Variants in DCC observed in about 807,000 individuals in gnomAD.
DCC encodes DCC netrin 1 receptor.
In DCC, 58 loss-of-function variants were observed where a neutral mutation model predicts 172.5. The ratio of observed to expected loss-of-function variants is 0.34; its 90% CI spans 0.27 to 0.42. The LOEUF (loss-of-function observed/expected upper bound fraction) is 0.42, where lower values mean the gene tolerates loss of function less well. Among genes scored for constraint, DCC ranks in the 10% least tolerant of loss-of-function variants. The pLI, the probability that DCC is intolerant of heterozygous loss-of-function variation, is 1.00. For missense variants in DCC, 1,740 were observed against 1,791.0 expected (o/e 0.97, Z 0.51); for synonymous variants, 709 against 644.5 (o/e 1.10, Z -1.52).
chr18:52,865,032 A>AT (rs1304471789), intron 2 of DCC, among the ~76,000 whole-genome samples: 3 of 151,678 alleles, frequency 2.0e-5, no homozygotes, highest in African/African-American at 7.3e-5. Context: ...CGCCTGGCTA[A>AT]TTTTTTGTAT....
rs116137718 is a variant in DCC, at chr18:52,998,869, T to A, written c.986-64436T>A. Among the ~76,000 whole-genome samples the A allele has an allele frequency of 1.0e-3, 156 of 152,138 alleles. 1 individual carries two copies. The highest frequency in any genetic ancestry group is 3.6e-3 in the African/African-American group (150 of 41,546). ...AGAAAACCTGTCTGGAGTACAAAACTGAATTAGCAATTAAATCGTTGTCAG... is the reference window on the plus strand; with the variant it reads ...AGAAAACCTGTCTGGAGTACAAAACAGAATTAGCAATTAAATCGTTGTCAG... On this transcript the variant is annotated intron_variant, in intron 5 of 28. Transcript: ENST00000442544.
At chr18:52,528,115 G>T (rs972226204) in intron 1 of DCC, among the ~76,000 whole-genome samples, 1 of 152,040 alleles carries the variant, frequency 6.6e-6, no homozygotes, top group South Asian at 2.1e-4. Flanking sequence ...AAAATTCTCA[G>T]GTATGAATAC....
At chr18:52,715,392 T>A (rs1252553959) in intron 1 of DCC, among the ~76,000 whole-genome samples, 1 of 151,714 alleles carries the variant, frequency 6.6e-6, no homozygotes, top group African/African-American at 2.4e-5. Context: ...CTCCACCTCC[T>A]GGGGTCAAGT....
chr18:53,429,048 A>T lies in DCC; in HGVS notation c.3164-6096A>T, dbSNP rs374459420. ...TTTATATAATATATATTTTATATAT[A>T]ATATATTATATATTTTATATATAAT... is the stretch of plus-strand genomic sequence containing the variant. On this transcript the variant is annotated intron_variant, in intron 21 of 28. Coordinates refer to ENST00000442544, the MANE Select transcript of DCC (RefSeq NM_005215.4). 2.4e-3 allele frequency among the ~76,000 whole-genome samples: 47 copies of T among 19,520 alleles called. 13 individuals carry two copies. Among genetic ancestry groups the T allele is most frequent in the Non-Finnish European group, 6.2e-3 (34 of 5,464 alleles). 12.8% of individuals were successfully genotyped at this position (19,520 alleles called of 152,430 possible).
chr18:53,309,922 GTATATA>G (rs5825006), intron 13 of DCC, among the ~76,000 whole-genome samples: 65 of 123,478 alleles, frequency 5.3e-4, no homozygotes, highest in African/African-American at 1.3e-3. Context: ...ATATGTGCGT[GTATATA>G]TATATATATA....
chr18:53,257,132 T>G (rs958895346), intron 12 of DCC, among the ~76,000 whole-genome samples: 2 of 152,328 alleles, frequency 1.3e-5, no homozygotes, highest in Middle Eastern at 3.4e-3. Context: ...TGGGGTTTTC[T>G]AGATGTACAA....
intron 1 of DCC, among the ~76,000 whole-genome samples, chr18:52,708,282 A>G (rs1411903261): frequency 6.6e-6 from 1 of 152,038 alleles, no homozygotes; most frequent in Non-Finnish European, 1.5e-5. Context: ...TCTACTAACA[A>G]TACAAAAAAG....
chr18:53,078,450 C>A (rs1037895393), intron 7 of DCC, among the ~76,000 whole-genome samples: 1 of 152,120 alleles, frequency 6.6e-6, no homozygotes, highest in African/African-American at 2.4e-5. Context: ...GCCTGACATA[C>A]TATTTTTTGG....
chr18:52,680,066 C>T (rs966272251), intron 1 of DCC, among the ~76,000 whole-genome samples: 5 of 152,066 alleles, frequency 3.3e-5, no homozygotes, highest in Non-Finnish European at 7.4e-5. Context: ...TATTAGGCAT[C>T]ACATCAGGCT....
chr18:53,253,517 G>A (rs1437317443), intron 12 of DCC, among the ~76,000 whole-genome samples: 1 of 151,970 alleles, frequency 6.6e-6, no homozygotes, highest in Non-Finnish European at 1.5e-5. Context: ...TCTAAAACAA[G>A]TGGCGTACCG....
intron 9 of DCC, among the ~76,000 whole-genome samples, chr18:53,188,703 T>C (rs2055323062): frequency 6.6e-6 from 1 of 152,212 alleles, no homozygotes; most frequent in South Asian, 2.1e-4. Context: ...CTGACCTTTC[T>C]GGAGCCTAGA....
intron 1 of DCC, among the ~76,000 whole-genome samples, chr18:52,489,043 T>G (rs80022745): frequency 0.061 from 9,342 of 152,154 alleles, 354 homozygotes; most frequent in East Asian, 0.083. Flanking sequence ...GATACACACA[T>G]CGATCTCCTA....
chr18:52,646,943 T>C (rs577611748), intron 1 of DCC, among the ~76,000 whole-genome samples: 1 of 152,254 alleles, frequency 6.6e-6, no homozygotes, highest in African/African-American at 2.4e-5. Context: ...GGAGGCCCAC[T>C]CCAAGACACT....
intron 7 of DCC, among the ~76,000 whole-genome samples, chr18:53,142,738 C>G (rs1326315512): frequency 1.3e-5 from 2 of 152,134 alleles, no homozygotes; most frequent in Admixed American, 1.3e-4. Flanking sequence ...AAGAAATCGA[C>G]GTTGCTATAT....
At chr18:53,525,009 A>C (rs1160480795) in intron 27 of DCC, among the ~76,000 whole-genome samples, 1 of 152,076 alleles carries the variant, frequency 6.6e-6, no homozygotes, top group Non-Finnish European at 1.5e-5. Flanking sequence ...CATTTGGATA[A>C]CTATTTTTGG....
intron 1 of DCC, among the ~76,000 whole-genome samples, chr18:52,664,145 T>C (rs2035416455): frequency 6.6e-6 from 1 of 152,232 alleles, no homozygotes; most frequent in Admixed American, 6.5e-5. Context: ...TGTAATACTT[T>C]GCTGCTAACA....
At chr18:53,264,455 G>A (rs546046234) in intron 12 of DCC, among the ~76,000 whole-genome samples, 3 of 130,102 alleles carry the variant, frequency 2.3e-5, no homozygotes, top group Admixed American at 9.0e-5. Context: ...CACCCTGGGC[G>A]AAACGAGCAA....
chr18:52,678,155 C>T (rs867946980), intron 1 of DCC, among the ~76,000 whole-genome samples: 3 of 152,180 alleles, frequency 2.0e-5, no homozygotes, highest in Middle Eastern at 3.4e-3. Flanking sequence ...AAAAACTCTG[C>T]CCTCCCTCTC....
intron 12 of DCC, among the ~76,000 whole-genome samples, chr18:53,223,032 T>C (rs1340305415): frequency 6.6e-6 from 1 of 152,044 alleles, no homozygotes; most frequent in Non-Finnish European, 1.5e-5. Flanking sequence ...AAGGAATAGT[T>C]ATAAAGGACA....
Sources: allele counts gnomAD v4.1 joint callset (sites outside exome capture counted in the v4.1 genomes callset), GRCh38; gene constraint gnomAD v4.1.1; transcripts MANE v1.5; gene names NCBI Gene and HGNC (gene_info 2026-07-23, HGNC 2026-07-21).